SUPT3H: variants seen among roughly 807,000 people sequenced by gnomAD.
SUPT3H encodes transcription initiation protein SPT3 homolog.
Under a neutral mutation model 44.3 loss-of-function variants are expected in SUPT3H, and 44 were observed. That is an observed-to-expected ratio of 0.99 (90% confidence interval 0.78 to 1.28). SUPT3H has a LOEUF of 1.28. Among genes scored for constraint, SUPT3H ranks in the 50% most tolerant of loss-of-function variants. The pLI, the probability that SUPT3H is intolerant of heterozygous loss-of-function variation, is 0.00. For missense variants in SUPT3H, 380 were observed against 387.1 expected, an observed-to-expected ratio of 0.98 and a Z score of 0.15; for synonymous variants, 124 against 125.6, an observed-to-expected ratio of 0.99 and a Z score of 0.09.
At chr6:45,121,284 AT>A (rs1801619157) in intron 2 of SUPT3H, among the ~76,000 whole-genome samples, 1 of 152,052 alleles carries the variant, frequency 6.6e-6, no homozygotes, top group Non-Finnish European at 1.5e-5. Context: ...AGAACGTCCC[AT>A]TTTTTTCTAG....
At chr6:44,822,582 T>TG (rs960643802), downstream of SUPT3H, among the ~76,000 whole-genome samples, 1 of 152,220 alleles carries the variant, frequency 6.6e-6, no homozygotes, top group African/African-American at 2.4e-5. Flanking sequence ...TAAGGTCATC[T>TG]GTTTATGAGG....
At chr6:45,159,937 A>C (rs1286098603) in intron 2 of SUPT3H, among the ~76,000 whole-genome samples, 2 of 152,230 alleles carry the variant, frequency 1.3e-5, no homozygotes, top group Non-Finnish European at 2.9e-5. Flanking sequence ...AACACAACAT[A>C]GTCCACAATC....
chr6:45,064,715 G>T (rs1169517258), intron 3 of SUPT3H, among the ~76,000 whole-genome samples: 1 of 135,470 alleles, frequency 7.4e-6, no homozygotes, highest in African/African-American at 2.8e-5. Context: ...GACAAAGAAG[G>T]CCATTACATA....
chr6:45,070,231 A>G (rs554618296), intron 3 of SUPT3H, among the ~76,000 whole-genome samples: 20 of 152,290 alleles, frequency 1.3e-4, no homozygotes, highest in Admixed American at 1.2e-3. Context: ...CAATAAACCC[A>G]TTTTATCGAA....
intron 11 of SUPT3H, among the ~76,000 whole-genome samples, chr6:44,812,233 A>G (rs1249766010): frequency 6.6e-6 from 1 of 152,128 alleles, no homozygotes; most frequent in Admixed American, 6.6e-5. Context: ...TTTTTTCTGG[A>G]GGCTATAGGG....
At chr6:45,019,526 C>T (rs1475310606) in intron 4 of SUPT3H, among the ~76,000 whole-genome samples, 1 of 151,944 alleles carries the variant, frequency 6.6e-6, no homozygotes, top group African/African-American at 2.4e-5. Flanking sequence ...TTTAAAGTAA[C>T]TGATAATCCT....
intron 1 of SUPT3H, among the ~76,000 whole-genome samples, chr6:45,365,799 T>C (rs1339648536): frequency 6.6e-6 from 1 of 151,540 alleles, no homozygotes; most frequent in Non-Finnish European, 1.5e-5. Context: ...AGATACAAAA[T>C]TAGAAAACTA....
rs146251331 is a variant in SUPT3H, at chr6:44,946,276, A to G, written c.801+7034T>C. Among the ~76,000 whole-genome samples the G allele has an allele frequency of 2.2e-3, 331 of 152,364 alleles. 1 individual carries two copies. The highest frequency in any genetic ancestry group is 7.6e-3 in the African/African-American group (317 of 41,592). On this transcript the variant is annotated intron_variant, in intron 9 of 10. Coordinates refer to ENST00000371459, the MANE Select transcript of SUPT3H (RefSeq NM_003599.4). ...GAACACTGTCTTCACAATAGCTAAC[A>G]AAATCCATTCTGCAGCACAGTTCAA...
At chr6:45,013,716 A>T (rs1004676841) in intron 5 of SUPT3H, among the ~76,000 whole-genome samples, 1 of 152,068 alleles carries the variant, frequency 6.6e-6, no homozygotes, top group Non-Finnish European at 1.5e-5. Flanking sequence ...CCTGCCTAGA[A>T]TAAAGCTTTT....
At chr6:45,052,714 C>T (rs937289174) in intron 3 of SUPT3H, among the ~76,000 whole-genome samples, 5 of 152,316 alleles carry the variant, frequency 3.3e-5, no homozygotes, top group South Asian at 2.1e-4. Context: ...CCATAGACTA[C>T]ACCTTACCCT....
rs540082767 is a variant in SUPT3H, at chr6:45,239,296, C to G, written c.101+125905G>C. 2.6e-5 allele frequency among the ~76,000 whole-genome samples: 4 copies of G among 152,332 alleles called. No individual in the cohort carries two copies. The South Asian group carries it at 8.3e-4, about 32-fold the overall frequency. On this transcript the variant is annotated intron_variant, in intron 2 of 10. Coordinates refer to ENST00000371459, the MANE Select transcript of SUPT3H (RefSeq NM_003599.4). ...TACTCATATTACAGCTCATACATGT[C>G]TTCCAGGACCTTTAACTGAAGGGAA...
At chr6:45,112,686 C>G (rs1384549575) in intron 2 of SUPT3H, among the ~76,000 whole-genome samples, 2 of 152,058 alleles carry the variant, frequency 1.3e-5, no homozygotes, top group Non-Finnish European at 2.9e-5. Context: ...TAAAGAGATT[C>G]TGAAAAAGAA....
At chr6:45,179,505 C>G (rs1484113163) in intron 2 of SUPT3H, among the ~76,000 whole-genome samples, 1 of 152,150 alleles carries the variant, frequency 6.6e-6, no homozygotes, top group Non-Finnish European at 1.5e-5. Context: ...CCAAATCCAG[C>G]AGCACATCAA....
At chr6:45,037,420 G>A (rs998957412) in intron 3 of SUPT3H, among the ~76,000 whole-genome samples, 7 of 151,500 alleles carry the variant, frequency 4.6e-5, no homozygotes, top group South Asian at 2.1e-4. Flanking sequence ...AGGCTGAGGC[G>A]GGGGGATCAC....
chr6:45,110,931 T>C (rs554718387), intron 2 of SUPT3H, among the ~76,000 whole-genome samples: 1 of 152,316 alleles, frequency 6.6e-6, no homozygotes, highest in East Asian at 1.9e-4. Flanking sequence ...TATGTGTGTG[T>C]GTATTTCTTT....
intron 2 of SUPT3H, among the ~76,000 whole-genome samples, chr6:45,111,796 C>A (rs75676904): frequency 6.6e-6 from 1 of 151,982 alleles, no homozygotes; most frequent in Non-Finnish European, 1.5e-5. Flanking sequence ...GTCACGGCCC[C>A]CCCACCCCCA....
chr6:44,863,960 G>A (rs578042536), intron 10 of SUPT3H, among the ~76,000 whole-genome samples: 25 of 151,908 alleles, frequency 1.6e-4, no homozygotes, highest in Non-Finnish European at 7.4e-5. Flanking sequence ...ATCTCCCACC[G>A]AGTCCCTCCC....
chr6:44,890,911 G>C (rs1763201491), intron 10 of SUPT3H, among the ~76,000 whole-genome samples: 1 of 149,774 alleles, frequency 6.7e-6, no homozygotes, highest in South Asian at 2.1e-4. Context: ...ACCAAACACT[G>C]CAAGTCGGAG....
intron 10 of SUPT3H, among the ~76,000 whole-genome samples, chr6:44,847,958 C>CTTTTTTTTTTTTTTT (rs969869912): frequency 5.1e-5 from 3 of 58,392 alleles, no homozygotes; most frequent in African/African-American, 2.1e-4. Flanking sequence ...ATCTCTGTGT[C>CTTTTTTTTTTTTTTT]TTTTTTTTTT....
Sources: gnomAD v4.1 joint callset for allele counts (sites outside exome capture counted in the v4.1 genomes callset) on GRCh38, gnomAD v4.1.1 for gene constraint, MANE v1.5 for transcripts, NCBI Gene and HGNC (gene_info 2026-07-23, HGNC 2026-07-21) for gene names.